RORA: variants seen among roughly 807,000 people sequenced by gnomAD.
The protein encoded by RORA is RAR related orphan receptor A, also known as nuclear receptor ROR-alpha.
In RORA, 7 loss-of-function variants were observed where a neutral mutation model predicts 69.5. The observed-to-expected ratio is 0.10, with a 90% confidence interval of 0.06 to 0.19. RORA has a LOEUF of 0.19. Among genes scored for constraint, RORA ranks in the 10% least tolerant of loss-of-function variants. The pLI is 1.00. For missense variants in RORA, 457 were observed against 663.0 expected (o/e 0.69, Z 3.41); for synonymous variants, 261 against 240.8 (o/e 1.08, Z -0.78).
intron 1 of RORA, among the ~76,000 whole-genome samples, chr15:61,135,609 C>G (rs1007573792): frequency 1.4e-5 from 2 of 143,118 alleles, no homozygotes; most frequent in African/African-American, 2.6e-5. Context: ...CCACAACTAT[C>G]ACCAAATCCT....
intron 1 of RORA, among the ~76,000 whole-genome samples, chr15:60,877,558 T>G (rs2073632011): frequency 6.6e-6 from 1 of 152,068 alleles, no homozygotes; most frequent in South Asian, 2.1e-4. Context: ...GTTATTATTT[T>G]TAAAATCCAG....
chr15:60,592,112 C>G (rs942736131), intron 2 of RORA, among the ~76,000 whole-genome samples: 2 of 150,912 alleles, frequency 1.3e-5, no homozygotes, highest in Non-Finnish European at 2.9e-5. Context: ...CGCCCGGTGC[C>G]AAGCGGACCC....
At position 60,914,898 on chromosome 15, in the gene RORA, G is replaced by A. The variant is rs145493609; in HGVS notation, c.167-236212C>T. On this transcript the variant is annotated intron_variant, in intron 1 of 10. Transcript: ENST00000335670. ...CCATCCAGGAAGAAGCTTTGGTGAA[G>A]GGGAGGGCACTAATGTTTCTTTGGC... Among the ~76,000 whole-genome samples, 19 of 152,330 alleles carry A rather than the reference G, an allele frequency of 1.2e-4. No individual in the cohort carries two copies. In the East Asian group the frequency reaches 3.5e-3, roughly 28 times the overall value.
At chr15:60,586,576 G>A (rs2068343323) in intron 2 of RORA, among the ~76,000 whole-genome samples, 1 of 152,124 alleles carries the variant, frequency 6.6e-6, no homozygotes, top group Admixed American at 6.6e-5. Context: ...GAAAGGATCA[G>A]AATTAAGGGA....
intron 1 of RORA, chr15:61,211,811 G>T (rs943855873): frequency 1.3e-5 from 2 of 152,114 alleles, no homozygotes; most frequent in African/African-American, 4.8e-5. Context: ...ACATTTTTCT[G>T]GTCCCTCGAT....
chr15:60,869,824 A>G (rs1567220071), intron 1 of RORA, among the ~76,000 whole-genome samples: 1 of 152,184 alleles, frequency 6.6e-6, no homozygotes, highest in Non-Finnish European at 1.5e-5. Context: ...ACGTTTTGCC[A>G]TCCTCCTCTT....
rs149758901 is a variant in RORA, at chr15:61,174,640, G to T, written c.166+54413C>A. Among the ~76,000 whole-genome samples, 111 of 152,226 alleles carry T rather than the reference G, an allele frequency of 7.3e-4. 1 individual carries two copies. The highest frequency in any genetic ancestry group is 1.5e-3 in the Admixed American group (23 of 15,298). ...TTTGCATTTGTCATCCTTATCAACC[G>T]CTCTCATACATGAAATGGAGCAAAT... On this transcript the variant is annotated intron_variant, in intron 1 of 10. Transcript: ENST00000335670.
At chr15:60,668,633 C>T (rs2070415457) in intron 2 of RORA, among the ~76,000 whole-genome samples, 1 of 152,112 alleles carries the variant, frequency 6.6e-6, no homozygotes, top group Admixed American at 6.6e-5. Flanking sequence ...CTACTAACAG[C>T]AGAGACTGGT....
At chr15:61,178,721 T>C (rs1446748784) in intron 1 of RORA, among the ~76,000 whole-genome samples, 1 of 151,860 alleles carries the variant, frequency 6.6e-6, no homozygotes, top group African/African-American at 2.4e-5. Context: ...ACACAAATAC[T>C]AAAAAGGAAT....
intron 1 of RORA, among the ~76,000 whole-genome samples, chr15:61,063,272 G>A (rs1405310016): frequency 6.6e-6 from 1 of 152,108 alleles, no homozygotes; most frequent in Non-Finnish European, 1.5e-5. Flanking sequence ...CTTTATTTTA[G>A]ATTATCTTAT....
At chr15:61,055,463 A>G (rs1464120379) in intron 1 of RORA, among the ~76,000 whole-genome samples, 3 of 152,200 alleles carry the variant, frequency 2.0e-5, no homozygotes, top group Non-Finnish European at 4.4e-5. Context: ...TTTCCCAAAG[A>G]AAACACACTC....
intron 1 of RORA, among the ~76,000 whole-genome samples, chr15:61,123,701 G>A (rs764189850): frequency 7.9e-5 from 12 of 152,056 alleles, no homozygotes; most frequent in Non-Finnish European, 1.5e-4. Flanking sequence ...TCCCTTCCCC[G>A]TCTTCCAGGA....
At chr15:61,218,695 C>CACACAA (rs2080065392) in intron 1 of RORA, among the ~76,000 whole-genome samples, 2 of 151,728 alleles carry the variant, frequency 1.3e-5, no homozygotes, top group Non-Finnish European at 2.9e-5. Flanking sequence ...CACACACACA[C>CACACAA]ACACACACAC....
At chr15:61,019,609 G>T (rs558873819) in intron 1 of RORA, among the ~76,000 whole-genome samples, 35 of 152,062 alleles carry the variant, frequency 2.3e-4, no homozygotes, top group Non-Finnish European at 3.8e-4. Flanking sequence ...GTTAGTGAAG[G>T]GGGGGAAACC....
intron 1 of RORA, among the ~76,000 whole-genome samples, chr15:60,804,588 G>A (rs1595728039): frequency 6.6e-6 from 1 of 152,316 alleles, no homozygotes; most frequent in African/African-American, 2.4e-5. Context: ...CATTTAAAAT[G>A]TGGCTAAGTG....
At chr15:61,203,056 G>A (rs557608813) in intron 1 of RORA, among the ~76,000 whole-genome samples, 71 of 152,252 alleles carry the variant, frequency 4.7e-4, no homozygotes, top group Admixed American at 1.6e-3. Flanking sequence ...TAATTGACTA[G>A]TATTAATATA....
At chr15:60,893,164 G>A (rs915960611) in intron 1 of RORA, among the ~76,000 whole-genome samples, 2 of 152,166 alleles carry the variant, frequency 1.3e-5, no homozygotes, top group Non-Finnish European at 2.9e-5. Context: ...GTTACCCAAG[G>A]ACACAGCTTT....
chr15:60,994,655 G>T (rs564731766), intron 1 of RORA, among the ~76,000 whole-genome samples: 49 of 152,342 alleles, frequency 3.2e-4, no homozygotes, highest in African/African-American at 1.1e-3. Flanking sequence ...CCCAGGAATA[G>T]CGGAATGCAA....
intron 1 of RORA, among the ~76,000 whole-genome samples, chr15:61,178,712 C>A (rs375800228): frequency 1.3e-5 from 2 of 151,896 alleles, no homozygotes; most frequent in East Asian, 1.9e-4. Flanking sequence ...TCAATATATA[C>A]ACAAATACTA....
Sources: allele counts gnomAD v4.1 joint callset (sites outside exome capture counted in the v4.1 genomes callset), GRCh38; gene constraint gnomAD v4.1.1; transcripts MANE v1.5; gene names NCBI Gene and HGNC (gene_info 2026-07-23, HGNC 2026-07-21).